NMT1: variants seen among roughly 807,000 people sequenced by gnomAD.
NMT1 encodes the protein glycylpeptide N-tetradecanoyltransferase 1.
A neutral mutation model predicts 63.4 loss-of-function variants in NMT1; 12 were observed. The ratio of observed to expected loss-of-function variants is 0.19; its 90% CI spans 0.12 to 0.31. The LOEUF (loss-of-function observed/expected upper bound fraction) is 0.31. Among genes scored for constraint, NMT1 ranks in the 10% least tolerant of loss-of-function variants. NMT1 has a pLI of 1.00. For synonymous variants in NMT1, 228 were observed against 234.3 expected (o/e 0.97, Z 0.25); for missense variants, 432 against 634.6 (o/e 0.68, Z 3.43).
At chr17:45,067,684 C>G (rs2053911656) in intron 1 of NMT1, among the ~76,000 whole-genome samples, 1 of 151,820 alleles carries the variant, frequency 6.6e-6, no homozygotes, top group South Asian at 2.1e-4. Flanking sequence ...CTCCCTTCAA[C>G]TTTTGGTTTT....
chr17:45,095,399 C>T (rs2054118587), intron 4 of NMT1, among the ~76,000 whole-genome samples: 1 of 152,190 alleles, frequency 6.6e-6, no homozygotes, highest in African/African-American at 2.4e-5. Flanking sequence ...TGAGCCACCA[C>T]ACCGGGCCAA....
chr17:45,061,398 C>A lies in NMT1; in HGVS notation c.69C>A (p.Asn23Lys). The change falls in exon 1 of 12, where the codon AAC becomes AAA. Residue 23 changes from asparagine (N) to lysine (K), a missense_variant. Asn to Lys is a moderately conservative substitution (Grantham distance 94). Around this residue, in one of 4 missense-constraint regions of NMT1, gnomAD observed 121 missense variants for 103.7 expected, o/e 1.17. Transcript: ENST00000258960. Reference protein sequence around the residue: ...APPLPQMMEGNGNGHEHCSDC... With the variant: ...APPLPQMMEGKGNGHEHCSDC... Reference sequence around the variant, plus strand: ...CGCTGCCGCAGATGATGGAAGGGAACGGGAACGGCCATGAGCACTGCAGCG... The same window carrying A: ...CGCTGCCGCAGATGATGGAAGGGAAAGGGAACGGCCATGAGCACTGCAGCG... 6.2e-7 allele frequency: 1 copy of A among 1,613,996 alleles called. No individual in the cohort carries two copies. Among genetic ancestry groups the A allele is most frequent in the Non-Finnish European group, 8.5e-7 (1 of 1,179,964 alleles).
chr17:45,085,474 A>G (rs2054045945), intron 2 of NMT1, among the ~76,000 whole-genome samples: 1 of 152,164 alleles, frequency 6.6e-6, no homozygotes, highest in African/African-American at 2.4e-5. Flanking sequence ...AGTTTTTGAA[A>G]AGTGTGTGTG....
At chr17:45,098,142 C>A (rs565152968) in intron 6 of NMT1, among the ~76,000 whole-genome samples, 7 of 152,284 alleles carry the variant, frequency 4.6e-5, no homozygotes, top group Middle Eastern at 3.4e-3. Flanking sequence ...CTGGTGGTAC[C>A]TTCAAATAAA....
Position 45,104,504 on chromosome 17 carries a change from C to A in NMT1, c.1333-355C>A, listed in dbSNP as rs372387720. 276 of 1,113,454 alleles carry A rather than the reference C, an allele frequency of 2.5e-4. 4 individuals are homozygous for A. In the South Asian group the frequency reaches 6.9e-3, roughly 28 times the overall value. 69.0% of individuals were successfully genotyped at this position (1,113,454 alleles called of 1,614,324 possible). A position where few individuals can be genotyped will look rare whatever the true frequency, so the allele number is the denominator to read the frequency against. The stretch of plus-strand genomic sequence containing the variant: ...AGCAACACAAACCCCATGTAGCTGA[C>A]CAGAGCCAGCTTCTCAGAGGAATGG... On this transcript the variant is annotated intron_variant, in intron 10 of 11. Transcript: ENST00000258960. This position sits in a 1 kb window ranked among gnomAD's most constrained non-coding sequence, Gnocchi z 4.2.
intron 8 of NMT1, among the ~76,000 whole-genome samples, chr17:45,101,617 CAAA>C (rs748973404): frequency 5.6e-5 from 3 of 53,364 alleles, no homozygotes; most frequent in Non-Finnish European, 9.6e-5. Flanking sequence ...GACTCCGTCG[CAAA>C]AAAAAAAAAA....
chr17:45,105,725 C>A lies in NMT1; in HGVS notation c.*86C>A. ...CACCACTGTTGGTCCAATTTTCACA[C>A]ACGTGAGAATCCCTGGCAAAGGGAG... On this transcript the variant is annotated 3_prime_UTR_variant, in exon 12 of 12. Coordinates refer to ENST00000258960, the MANE Select transcript of NMT1 (RefSeq NM_021079.5). The surrounding 1 kb of genome is among the most constrained non-coding windows in gnomAD (Gnocchi z 4.2). 7.4e-7 allele frequency: 1 copy of A among 1,360,448 alleles called. No homozygotes were observed. The highest frequency in any genetic ancestry group is 1.0e-6 in the Non-Finnish European group (1 of 958,736). The allele number at this position is 1,360,448 out of a possible 1,614,324, so 84.3% of individuals were successfully genotyped here.
chr17:45,107,378 C>G lies in NMT1; in HGVS notation c.*1739C>G, dbSNP rs2054209274. The G allele has an allele frequency of 6.5e-6, 1 of 152,716 alleles. No individual in the cohort carries two copies. Among genetic ancestry groups the G allele is most frequent in the African/African-American group, 2.4e-5 (1 of 41,472 alleles). 9.5% of individuals were successfully genotyped at this position (152,716 alleles called of 1,614,324 possible). A position where few individuals can be genotyped will look rare whatever the true frequency, so the allele number is the denominator to read the frequency against. ...TCATCAGGGGCCTGCAGGGCCCTCC[C>G]TTTTCCCATTGTTCCTGCGCTGCAA... On this transcript the variant is annotated 3_prime_UTR_variant, in exon 12 of 12. Coordinates refer to ENST00000258960, the MANE Select transcript of NMT1 (RefSeq NM_021079.5).
chr17:45,078,165 G>A (rs567549262), intron 1 of NMT1, among the ~76,000 whole-genome samples: 3 of 152,280 alleles, frequency 2.0e-5, no homozygotes, highest in Non-Finnish European at 4.4e-5. Flanking sequence ...TGGGAAATGA[G>A]GGTGATAGGC....
At chr17:45,072,848 C>T (rs12602256) in intron 1 of NMT1, among the ~76,000 whole-genome samples, 16,779 of 151,988 alleles carry the variant, frequency 0.11, 1,009 homozygotes, top group Middle Eastern at 0.18. Flanking sequence ...CGTGAGCCAC[C>T]GCGCCTGGCC....
chr17:45,077,937 T>C (rs2053988061), intron 1 of NMT1, among the ~76,000 whole-genome samples: 1 of 152,214 alleles, frequency 6.6e-6, no homozygotes, highest in African/African-American at 2.4e-5. Flanking sequence ...ATTTCCCCTT[T>C]GAATGTTCTC....
At chr17:45,091,835 G>T (rs932235138) in intron 3 of NMT1, among the ~76,000 whole-genome samples, 1 of 152,160 alleles carries the variant, frequency 6.6e-6, no homozygotes, top group Non-Finnish European at 1.5e-5. Flanking sequence ...AGACCAGCCT[G>T]GGCAACAGTG....
At chr17:45,097,044 C>A in intron 5 of NMT1, 84 bp from the exon 6 acceptor site, 1 of 1,059,154 alleles carries the variant, frequency 9.4e-7, no homozygotes, top group Non-Finnish European at 1.5e-6. Flanking sequence ...AGCACCAGGT[C>A]CGAACCAAAT....
Position 45,093,729 on chromosome 17 carries a change from A to G in NMT1, c.430A>G (p.Asn144Asp). ...THGPVEPDKD[N>D]IRQEPYTLPQ... ...TGGCCCCGTGGAGCCTGACAAGGAC[A>G]ATATCCGCCAGGAGCCCTACACCCT... Residue 144 changes from asparagine to aspartate, a missense_variant, in exon 4 of 12, where the codon AAT becomes GAT. Transcript: ENST00000258960. The G allele has an allele frequency of 1.2e-6, 2 of 1,614,238 alleles. No homozygotes were observed. Among genetic ancestry groups the G allele is most frequent in the East Asian group, 2.2e-5 (1 of 44,874 alleles).
chr17:45,079,307 T>G (rs1326487829), intron 1 of NMT1, among the ~76,000 whole-genome samples: 1 of 152,104 alleles, frequency 6.6e-6, no homozygotes, highest in Non-Finnish European at 1.5e-5. Flanking sequence ...TTTCACCATG[T>G]GGGTCAGGCT....
intron 1 of NMT1, among the ~76,000 whole-genome samples, chr17:45,080,360 A>G (rs1475958353): frequency 1.3e-5 from 2 of 149,652 alleles, no homozygotes; most frequent in Non-Finnish European, 3.0e-5. Flanking sequence ...GGCTTTCTCC[A>G]TGTTGGTCAG....
intron 2 of NMT1, among the ~76,000 whole-genome samples, chr17:45,084,409 A>C (rs1021065813): frequency 2.7e-5 from 4 of 146,604 alleles, no homozygotes; most frequent in Non-Finnish European, 5.9e-5. Flanking sequence ...GTCTTGGCTC[A>C]CTGCCAGCTC....
At chr17:45,089,562 G>C (rs2054075356) in intron 3 of NMT1, among the ~76,000 whole-genome samples, 1 of 151,976 alleles carries the variant, frequency 6.6e-6, no homozygotes, top group African/African-American at 2.4e-5. Flanking sequence ...GGCTGGTCTT[G>C]AACTCCTGAC....
chr17:45,076,726 G>A (rs2053980068), intron 1 of NMT1, among the ~76,000 whole-genome samples: 2 of 151,610 alleles, frequency 1.3e-5, no homozygotes, highest in South Asian at 4.2e-4. Context: ...CTCCAGCCTG[G>A]GCAACAAGAG....
Sources: gnomAD v4.1 joint callset for allele counts (sites outside exome capture counted in the v4.1 genomes callset) on GRCh38, gnomAD v4.1.1 for gene constraint, gnomAD v4.1.1 regional missense constraint, Gnocchi (gnomAD v3.1) non-coding constraint, MANE v1.5 for transcripts, NCBI Gene and HGNC (gene_info 2026-07-23, HGNC 2026-07-21) for gene names.